OXR1: variants seen among roughly 807,000 people sequenced by gnomAD.
OXR1 encodes oxidation resistance 1, also known as oxidation resistance protein 1.
Under a neutral mutation model 104.6 loss-of-function variants are expected in OXR1, and 41 were observed. The observed-to-expected ratio is 0.39, with a 90% CI of 0.31 to 0.51. OXR1 has a LOEUF of 0.51. OXR1 is among the 20% of genes least tolerant of loss of function. The pLI is 0.77. For missense variants in OXR1, 955 were observed against 1,031.9 expected (o/e 0.93, Z 1.02); for synonymous variants, 348 against 348.4 (o/e 1.00, Z 0.01).
intron 3 of OXR1, among the ~76,000 whole-genome samples, chr8:106,587,123 G>C (rs1172007164): frequency 6.6e-6 from 1 of 151,942 alleles, no homozygotes; most frequent in Non-Finnish European, 1.5e-5. Flanking sequence ...ATATAGAGGA[G>C]AGTAAAGAGT....
intron 2 of OXR1, among the ~76,000 whole-genome samples, chr8:106,360,194 A>G (rs1374913562): frequency 6.6e-6 from 1 of 152,234 alleles, no homozygotes; most frequent in Non-Finnish European, 1.5e-5. Flanking sequence ...ATTTAAAAAA[A>G]GAAGTGTAAG....
At chr8:106,585,598 A>C (rs1411150609) in intron 3 of OXR1, among the ~76,000 whole-genome samples, 1 of 152,176 alleles carries the variant, frequency 6.6e-6, no homozygotes, top group African/African-American at 2.4e-5. Flanking sequence ...AATGAACATG[A>C]ATGTAGGGCA....
rs754276919 is a variant in OXR1, at chr8:106,359,665, G to A, written c.23+29G>A. On this transcript the variant is annotated intron_variant, in intron 2 of 16. Transcript: ENST00000517566. Reference sequence around the variant, plus strand: ...AGTGAATGGTTTTCTTGCCTTAAATGTAAATGAAAATATATCATGAGCAGT... The same window carrying A: ...AGTGAATGGTTTTCTTGCCTTAAATATAAATGAAAATATATCATGAGCAGT... The A allele has an allele frequency of 4.7e-6, 7 of 1,499,230 alleles. No homozygotes were observed. In the East Asian group the frequency reaches 1.2e-4, roughly 26 times the overall value. The allele number at this position is 1,499,230 out of a possible 1,614,324, so 92.9% of individuals were successfully genotyped here. A position where few individuals can be genotyped will look rare whatever the true frequency, so the allele number is the denominator to read the frequency against.
intron 3 of OXR1, among the ~76,000 whole-genome samples, chr8:106,539,777 G>T (rs777135072): frequency 6.6e-6 from 1 of 152,132 alleles, no homozygotes; most frequent in Non-Finnish European, 1.5e-5. Context: ...AATAATAAGG[G>T]GTCAGATGGG....
At chr8:106,663,610 T>C (rs1825978077) in intron 3 of OXR1, among the ~76,000 whole-genome samples, 1 of 152,188 alleles carries the variant, frequency 6.6e-6, no homozygotes, top group Non-Finnish European at 1.5e-5. Flanking sequence ...CCCTGGTCCA[T>C]GGCCTGTTAG....
Position 106,503,393 on chromosome 8 carries a change from G to A in OXR1, c.24-15550G>A, listed in dbSNP as rs571384053. Among the ~76,000 whole-genome samples, 9 of 152,324 alleles carry A rather than the reference G, an allele frequency of 5.9e-5. No individual in the cohort carries two copies. The South Asian group carries it at 1.9e-3, about 32-fold the overall frequency. ...CCACCAAATAAAGCCTTGAAAAGCTGGTAGACAGGGACTGATTTCATGACC... is the reference window on the plus strand; with the variant it reads ...CCACCAAATAAAGCCTTGAAAAGCTAGTAGACAGGGACTGATTTCATGACC... On this transcript the variant is annotated intron_variant, in intron 2 of 16. Transcript: ENST00000517566.
chr8:106,554,381 A>G (rs2130440631), intron 3 of OXR1, among the ~76,000 whole-genome samples: 1 of 152,312 alleles, frequency 6.6e-6, no homozygotes, highest in South Asian at 2.1e-4. Flanking sequence ...GAAATGATTC[A>G]TTTTATGTTA....
At chr8:106,296,330 AG>A (rs1472073936) in intron 1 of OXR1, among the ~76,000 whole-genome samples, 1 of 152,188 alleles carries the variant, frequency 6.6e-6, no homozygotes, top group Non-Finnish European at 1.5e-5. Flanking sequence ...TGATCGCCTC[AG>A]GCTCTTTTAG....
chr8:106,308,770 C>G (rs1813569332), intron 1 of OXR1, among the ~76,000 whole-genome samples: 1 of 151,968 alleles, frequency 6.6e-6, no homozygotes, highest in Non-Finnish European at 1.5e-5. Flanking sequence ...TACTAGAGAT[C>G]TACACAAAAT....
chr8:106,461,973 G>T (rs1466664519), intron 2 of OXR1, among the ~76,000 whole-genome samples: 1 of 152,012 alleles, frequency 6.6e-6, no homozygotes, highest in African/African-American at 2.4e-5. Flanking sequence ...CACTTTAAAG[G>T]GACTTGGATT....
At chr8:106,724,332 T>C (rs957191865) in intron 11 of OXR1, among the ~76,000 whole-genome samples, 1 of 152,210 alleles carries the variant, frequency 6.6e-6, no homozygotes, top group African/African-American at 2.4e-5. Flanking sequence ...CTGCTTCAAA[T>C]TCTTGGATAT....
intron 7 of OXR1, among the ~76,000 whole-genome samples, chr8:106,698,237 G>C (rs1489289020): frequency 6.6e-6 from 1 of 152,182 alleles, no homozygotes; most frequent in Non-Finnish European, 1.5e-5. Context: ...TTTCTGGCTT[G>C]TGTTTTTCTA....
At chr8:106,422,632 T>A (rs1033406223) in intron 2 of OXR1, among the ~76,000 whole-genome samples, 8 of 152,170 alleles carry the variant, frequency 5.3e-5, no homozygotes, top group Non-Finnish European at 8.8e-5. Context: ...CCGTATGACT[T>A]CTCAGAGTTC....
chr8:106,296,645 G>A (rs1284951953), intron 1 of OXR1, among the ~76,000 whole-genome samples: 2 of 152,132 alleles, frequency 1.3e-5, no homozygotes, highest in Admixed American at 1.3e-4. Context: ...ACCTGTTTGT[G>A]TTGATGAATA....
intron 2 of OXR1, among the ~76,000 whole-genome samples, chr8:106,380,902 T>G (rs1817120627): frequency 6.6e-6 from 1 of 152,158 alleles, no homozygotes; most frequent in Non-Finnish European, 1.5e-5. Context: ...GGATGAAGAT[T>G]TAAAAGGTCA....
chr8:106,710,732 C>A lies in OXR1; in HGVS notation c.1735C>A (p.Gln579Lys). 1 of 1,600,108 alleles carries A rather than the reference C, an allele frequency of 6.2e-7. No individual in the cohort carries two copies. Among genetic ancestry groups the A allele is most frequent in the Non-Finnish European group, 8.5e-7 (1 of 1,172,520 alleles). The change falls in exon 10 of 17, where the codon CAA becomes AAA. Residue 579 changes from glutamine to lysine, a missense_variant. Coordinates refer to ENST00000517566, the MANE Select transcript of OXR1 (RefSeq NM_001198533.2). ...TFVSQASATMQQYAQRDKKHE... is the reference protein window; with the variant it reads ...TFVSQASATMKQYAQRDKKHE... ...TGTATCTCAAGCAAGTGCTACAATG[C>A]AACAGTATGCACAGAGAGATAAGAA...
intron 2 of OXR1, among the ~76,000 whole-genome samples, chr8:106,430,136 C>G (rs541987232): frequency 6.6e-6 from 1 of 152,146 alleles, no homozygotes; most frequent in East Asian, 1.9e-4. Context: ...GTCATAATCC[C>G]TTGCAAAATG....
chr8:106,387,286 A>T (rs981305036), intron 2 of OXR1, among the ~76,000 whole-genome samples: 1 of 152,234 alleles, frequency 6.6e-6, no homozygotes, highest in Non-Finnish European at 1.5e-5. Context: ...CAGACCAGTC[A>T]TTCTTTTTAG....
intron 3 of OXR1, among the ~76,000 whole-genome samples, chr8:106,543,677 G>A (rs1309114795): frequency 1.3e-5 from 2 of 152,188 alleles, no homozygotes; most frequent in Non-Finnish European, 2.9e-5. Context: ...AAAGGGCTGA[G>A]GGTCAAGTTC....
Sources: allele counts gnomAD v4.1 joint callset (sites outside exome capture counted in the v4.1 genomes callset), GRCh38; gene constraint gnomAD v4.1.1; transcripts MANE v1.5; gene names NCBI Gene and HGNC (gene_info 2026-07-23, HGNC 2026-07-21).